GRIN2D: variants seen among roughly 807,000 people sequenced by gnomAD.
GRIN2D encodes the protein glutamate ionotropic receptor NMDA type subunit 2D, also known as glutamate receptor ionotropic, NMDA 2D.
In GRIN2D, 37 loss-of-function variants were observed where a neutral mutation model predicts 103.2. That is an observed-to-expected ratio of 0.36 (90% confidence interval 0.28 to 0.47). GRIN2D has a LOEUF of 0.47. Among genes scored for constraint, GRIN2D ranks in the 20% least tolerant of loss-of-function variants. GRIN2D has a pLI of 1.00. For missense variants in GRIN2D, 1,557 were observed against 1,910.6 expected (o/e 0.81, Z 3.45); for synonymous variants, 845 against 885.6 (o/e 0.95, Z 0.81).
rs1386318829 is a variant in GRIN2D at position 48,443,122 on chromosome 19, C to G, written c.3196C>G (p.Pro1066Ala). 10 of 1,011,148 alleles carry G rather than the reference C, an allele frequency of 9.9e-6. No homozygotes were observed. Among genetic ancestry groups the G allele is most frequent in the African/African-American group, 3.5e-5 (2 of 56,974 alleles). 62.6% of individuals were successfully genotyped at this position (1,011,148 alleles called of 1,614,324 possible). ...GCCCGCGCGGTGGCCGCGCTCGGAC[C>G]CCGAGAGCCAACCCCTGCTGGGGCC... The part of the protein sequence containing the change: ...PAPARWPRSD[P>A]ESQPLLGPGA... Residue 1066 changes from proline (P) to alanine (A), a missense_variant, in exon 14 of 14, where the codon CCC becomes GCC. Pro to Ala is a conservative substitution (Grantham distance 27). Coordinates refer to ENST00000263269, the MANE Select transcript of GRIN2D (RefSeq NM_000836.4). This position sits in a 1 kb window ranked among gnomAD's most constrained non-coding sequence, Gnocchi z 8.9.
chr19:48,411,371 G>T lies in GRIN2D; in HGVS notation c.1086-2620G>T, dbSNP rs182919136. 1.4e-3 allele frequency among the ~76,000 whole-genome samples: 200 copies of T among 142,472 alleles called. 1 individual carries two copies. The highest frequency in any genetic ancestry group is 5.1e-3 in the African/African-American group (189 of 37,378). 93.5% of individuals were successfully genotyped at this position (142,472 alleles called of 152,430 possible). On this transcript the variant is annotated intron_variant, in intron 4 of 13. Transcript: ENST00000263269. ...ATAATAATAATAATAATAATAATAGGCCGGCAGTGGTGGCTCACGCCTGTA... is the reference window on the plus strand; with the variant it reads ...ATAATAATAATAATAATAATAATAGTCCGGCAGTGGTGGCTCACGCCTGTA...
chr19:48,402,171 A>AAAGAAAGAAAGAAAGAGAGAGG (rs1970724646), intron 3 of GRIN2D, among the ~76,000 whole-genome samples: 2 of 151,808 alleles, frequency 1.3e-5, no homozygotes, highest in African/African-American at 4.8e-5. Flanking sequence ...AAAGAAAGAG[A>AAAGAAAGAAAGAAAGAGAGAGG]GAAAAGAAAA....
chr19:48,442,729 C>T lies in GRIN2D; in HGVS notation c.2803C>T (p.Arg935Cys). 2 of 1,111,824 alleles carry T rather than the reference C, an allele frequency of 1.8e-6. No homozygotes were observed. Among genetic ancestry groups the T allele is most frequent in the Non-Finnish European group, 2.2e-6 (2 of 910,558 alleles). 68.9% of individuals were successfully genotyped at this position (1,111,824 alleles called of 1,614,324 possible). Reference sequence around the variant, plus strand: ...TCCCGGGCCCGCACCTTTCGTGCCCCGCGAGCGCGCCTCAGTGGACCGCTG... The same window carrying T: ...TCCCGGGCCCGCACCTTTCGTGCCCTGCGAGCGCGCCTCAGTGGACCGCTG... ...PAPGPAPFVP[R>C]ERASVDRWRR... The change falls in exon 14 of 14, where the codon CGC becomes TGC. Residue 935 changes from arginine (R) to cysteine (C), a missense_variant. Arg to Cys is a radical substitution (Grantham distance 180). Around this residue, in one of 7 missense-constraint regions of GRIN2D, gnomAD observed 632 missense variants for 572.8 expected, o/e 1.10. Transcript: ENST00000263269. This position sits in a 1 kb window ranked among gnomAD's most constrained non-coding sequence, Gnocchi z 7.2.
At chr19:48,418,911 C>T (rs570357785) in intron 8 of GRIN2D, among the ~76,000 whole-genome samples, 1 of 152,088 alleles carries the variant, frequency 6.6e-6, no homozygotes, top group African/African-American at 2.4e-5. Context: ...ATGGCTGCCT[C>T]CTAGGGGTAT....
At chr19:48,425,756 C>T (rs76388636) in intron 11 of GRIN2D, among the ~76,000 whole-genome samples, 1,556 of 152,126 alleles carry the variant, frequency 0.01, 23 homozygotes, top group African/African-American at 0.035. Flanking sequence ...GGCCTCATCC[C>T]GTGTCTTTTT....
At chr19:48,429,173 A>T (rs1024135605) in intron 11 of GRIN2D, among the ~76,000 whole-genome samples, 6 of 152,048 alleles carry the variant, frequency 3.9e-5, no homozygotes, top group Middle Eastern at 3.2e-3. Flanking sequence ...TTCTATATTT[A>T]TCAGAGTTCT....
rs1210975539 is a variant in GRIN2D, at chr19:48,414,257, G to A, written c.1201-116G>A. 4.1e-6 allele frequency: 4 copies of A among 972,116 alleles called. No homozygotes were observed. The highest frequency in any genetic ancestry group is 6.3e-6 in the Non-Finnish European group (4 of 638,400). 60.2% of individuals were successfully genotyped at this position (972,116 alleles called of 1,614,324 possible). ...GGATCTGAAGGTGGGAGGGGCTCCT[G>A]GGTCTTGGAAGAAGCTGCTGCCCAC... On this transcript the variant is annotated intron_variant, in intron 5 of 13. Coordinates refer to ENST00000263269, the MANE Select transcript of GRIN2D (RefSeq NM_000836.4). The surrounding 1 kb of genome is among the most constrained non-coding windows in gnomAD (Gnocchi z 4.6).
Position 48,418,033 on chromosome 19 carries a change from CTT to C in GRIN2D, c.1736-1184_1736-1183del, listed in dbSNP as rs1362608820. 3.1e-3 allele frequency among the ~76,000 whole-genome samples: 404 copies of C among 130,074 alleles called. 1 individual carries two copies. The highest frequency in any genetic ancestry group is 0.01 in the African/African-American group (361 of 34,718). 85.3% of individuals were successfully genotyped at this position (130,074 alleles called of 152,430 possible). A position where few individuals can be genotyped will look rare whatever the true frequency, so the allele number is the denominator to read the frequency against. On this transcript the variant is annotated intron_variant, in intron 8 of 13. Coordinates refer to ENST00000263269, the MANE Select transcript of GRIN2D (RefSeq NM_000836.4). The stretch of plus-strand genomic sequence containing the variant: ...TCGCTGATTCAGGCACCTGCGAGTT[CTT>C]TTTTTTTTTTTTTTTTGAGACAGAG...
Position 48,405,172 on chromosome 19 carries a change from G to A in GRIN2D, c.904G>A (p.Ala302Thr). The A allele has an allele frequency of 6.3e-7, 1 of 1,592,138 alleles. No homozygotes were observed. ...TCTGCCAGGAGGCGCCCCCCTGCCT[G>A]CCGGGCTGTTTGCAGTGCGCTCGGC... is the stretch of plus-strand genomic sequence containing the variant. ...PLLPGGAPLP[A>T]GLFAVRSAGW... is the part of the protein sequence containing the mutation. The change falls in exon 4 of 14, where the codon GCC (alanine) becomes ACC (threonine). Residue 302 changes from alanine (A) to threonine (T), a missense_variant. Ala to Thr is a moderately conservative substitution (Grantham distance 58). Coordinates refer to ENST00000263269, the MANE Select transcript of GRIN2D (RefSeq NM_000836.4). The surrounding 1 kb of genome is among the most constrained non-coding windows in gnomAD (Gnocchi z 5.1).
At chr19:48,395,893 C>T (rs1474923307) in intron 2 of GRIN2D, among the ~76,000 whole-genome samples, 1 of 152,014 alleles carries the variant, frequency 6.6e-6, no homozygotes, top group Non-Finnish European at 1.5e-5. Context: ...GGAGGCTGGG[C>T]ACTGGAGTTC....
chr19:48,405,340 G>T lies in GRIN2D; in HGVS notation c.1072G>T (p.Glu358Ter). ...CGCCCAGAACCGCACCCACCGCGGC[G>T]AGAGTCTGCATAGGTGAGTGGGGCT... is the stretch of plus-strand genomic sequence containing the variant. ...CRAQNRTHRG[E>*]SLHRYFMNIT... Residue 358 changes from glutamate to a stop codon, truncating the protein, a stop_gained, in exon 4 of 14, where the codon GAG becomes TAG. Transcript: ENST00000263269. LOFTEE classifies it high-confidence loss of function. This position sits in a 1 kb window ranked among gnomAD's most constrained non-coding sequence, Gnocchi z 5.1. The T allele has an allele frequency of 6.3e-7, 1 of 1,586,470 alleles. No individual in the cohort carries two copies.
Position 48,443,434 on chromosome 19 carries a change from C to T in GRIN2D, c.3508C>T (p.Pro1170Ser). The change falls in exon 14 of 14, where the codon CCC becomes TCC. Residue 1170 changes from proline to serine, a missense_variant. Transcript: ENST00000263269. The surrounding 1 kb of genome is among the most constrained non-coding windows in gnomAD (Gnocchi z 8.9). The part of the protein sequence containing the change: ...GWRAGSWDYL[P>S]PRSGPAAWHC... ...GCGCGCCGGGAGCTGGGACTACCTGCCCCCGCGCAGCGGTCCGGCCGCCTG... is the reference window on the plus strand; with the variant it reads ...GCGCGCCGGGAGCTGGGACTACCTGTCCCCGCGCAGCGGTCCGGCCGCCTG... 1.4e-6 allele frequency: 2 copies of T among 1,389,854 alleles called. No individual in the cohort carries two copies. Among genetic ancestry groups the T allele is most frequent in the African/African-American group, 1.5e-5 (1 of 66,398 alleles). The allele number at this position is 1,389,854 out of a possible 1,614,324, so 86.1% of individuals were successfully genotyped here. A position where few individuals can be genotyped will look rare whatever the true frequency, so the allele number is the denominator to read the frequency against.
intron 11 of GRIN2D, among the ~76,000 whole-genome samples, chr19:48,440,665 G>A (rs1020253684): frequency 4.3e-5 from 1 of 22,992 alleles, no homozygotes; most frequent in Non-Finnish European, 1.3e-4. Flanking sequence ...TCATTCACTT[G>A]CATTATTTTT....
At chr19:48,424,252 C>T (rs1390123328) in intron 11 of GRIN2D, among the ~76,000 whole-genome samples, 1 of 126,696 alleles carries the variant, frequency 7.9e-6, no homozygotes, top group Non-Finnish European at 1.6e-5. Context: ...CCCCTTGACT[C>T]ACAAAAAAAA....
chr19:48,394,041 T>C lies in GRIN2D; in HGVS notation c.-306+173T>C, dbSNP rs1970599269. 6.6e-6 allele frequency among the ~76,000 whole-genome samples: 1 copy of C among 151,888 alleles called. No homozygotes were observed. Among genetic ancestry groups the C allele is most frequent in the Admixed American group, 6.6e-5 (1 of 15,260 alleles). ...TCCCCCCGGCCCCCCCAAACCCAGA[T>C]GGATGGTGTGTACCTGGGTTCTGTG... On this transcript the variant is annotated intron_variant, in intron 1 of 13. Transcript: ENST00000263269. This position sits in a 1 kb window ranked among gnomAD's most constrained non-coding sequence, Gnocchi z 5.1.
At chr19:48,426,128 A>G in intron 11 of GRIN2D, among the ~76,000 whole-genome samples, 1 of 151,520 alleles carries the variant, frequency 6.6e-6, no homozygotes, top group East Asian at 1.9e-4. Flanking sequence ...CTTTCATTCT[A>G]CTGCTGGTGG....
chr19:48,407,077 A>C (rs1970802075), intron 4 of GRIN2D, among the ~76,000 whole-genome samples: 1 of 150,000 alleles, frequency 6.7e-6, no homozygotes, highest in South Asian at 2.1e-4. Flanking sequence ...TCCTGAGTTC[A>C]AGCGATTCTC....
intron 7 of GRIN2D, 83 bp from the exon 8 acceptor site, chr19:48,415,919 G>T: frequency 7.8e-7 from 1 of 1,279,728 alleles, no homozygotes; most frequent in Admixed American, 1.7e-5. Flanking sequence ...TCTGCTCCCG[G>T]GGCCCGTCTC....
chr19:48,422,845 A>T (rs1971039936), intron 11 of GRIN2D, among the ~76,000 whole-genome samples: 1 of 152,112 alleles, frequency 6.6e-6, no homozygotes, highest in East Asian at 1.9e-4. Context: ...TAATCCCAGC[A>T]CTTTGTGAGG....
Sources: allele counts gnomAD v4.1 joint callset (sites outside exome capture counted in the v4.1 genomes callset), GRCh38; gene constraint gnomAD v4.1.1; regional missense constraint gnomAD v4.1.1; non-coding constraint Gnocchi (gnomAD v3.1); transcripts MANE v1.5; gene names NCBI Gene and HGNC (gene_info 2026-07-23, HGNC 2026-07-21).